COA1: variants seen among roughly 807,000 people sequenced by gnomAD.
COA1 encodes cytochrome c oxidase assembly factor 1.
A neutral mutation model predicts 16.0 loss-of-function variants in COA1; 13 were observed. The ratio of observed to expected loss-of-function variants is 0.81; its 90% CI spans 0.53 to 1.29. The LOEUF is 1.29. Among genes scored for constraint, COA1 ranks in the 50% most tolerant of loss-of-function variants. The pLI is 0.00. For missense variants in COA1, 179 were observed against 177.0 expected (o/e 1.01, Z -0.06); for synonymous variants, 65 against 65.7 (o/e 0.99, Z 0.05).
intron 1 of COA1, among the ~76,000 whole-genome samples, chr7:43,653,526 C>T (rs2091236624): frequency 6.6e-6 from 1 of 152,006 alleles, no homozygotes; most frequent in South Asian, 2.1e-4. Flanking sequence ...CAAATGTTAG[C>T]GCTGACTTTT....
chr7:43,726,308 C>A (rs188426459), intron 1 of COA1, among the ~76,000 whole-genome samples: 147 of 152,268 alleles, frequency 9.7e-4, no homozygotes, highest in African/African-American at 3.3e-3. Context: ...AGATGTCACA[C>A]TAACTGGGAA....
intron 4 of COA1, among the ~76,000 whole-genome samples, chr7:43,644,013 G>A (rs2087963371): frequency 6.6e-6 from 1 of 152,090 alleles, no homozygotes; most frequent in Non-Finnish European, 1.5e-5. Flanking sequence ...TGACACTGTG[G>A]CCCCTGGTGG....
At chr7:43,663,666 CA>C (rs759423078) in intron 1 of COA1, among the ~76,000 whole-genome samples, 9,391 of 70,400 alleles carry the variant, frequency 0.13, 482 homozygotes, top group African/African-American at 0.28. Flanking sequence ...GACCCTATCT[CA>C]AAAAAAAAAA....
chr7:43,675,620 A>T (rs1406174565), intron 1 of COA1, among the ~76,000 whole-genome samples: 1 of 152,208 alleles, frequency 6.6e-6, no homozygotes, highest in African/African-American at 2.4e-5. Flanking sequence ...ATAAAAAAAG[A>T]GTAAGTGTAA....
intron 6 of COA1, chr7:43,623,549 T>C (rs975039318): frequency 6.2e-7 from 1 of 1,600,792 alleles, no homozygotes; most frequent in Non-Finnish European, 8.5e-7. Flanking sequence ...AAACTAAATG[T>C]TTTCTTCTCT....
chr7:43,625,843 A>G (rs1211461456), intron 6 of COA1: 1 of 152,190 alleles, frequency 6.6e-6, no homozygotes, highest in East Asian at 1.9e-4. Flanking sequence ...TATGCTAGGA[A>G]AAGTTATAAA....
At chr7:43,703,039 G>A (rs1271768024) in intron 1 of COA1, among the ~76,000 whole-genome samples, 1 of 152,104 alleles carries the variant, frequency 6.6e-6, no homozygotes, top group Admixed American at 6.6e-5. Flanking sequence ...ATTCTAGTAT[G>A]TTGTGTCTTT....
At chr7:43,708,246 T>C (rs1390638311) in intron 1 of COA1, among the ~76,000 whole-genome samples, 1 of 152,008 alleles carries the variant, frequency 6.6e-6, no homozygotes, top group Non-Finnish European at 1.5e-5. Context: ...GGCGGAGGGA[T>C]CACTTGAATT....
intron 1 of COA1, among the ~76,000 whole-genome samples, chr7:43,692,697 A>T (rs2094414039): frequency 6.6e-6 from 1 of 152,152 alleles, no homozygotes; most frequent in Non-Finnish European, 1.5e-5. Context: ...AACCAAAATA[A>T]ACAACAAATC....
intron 6 of COA1, among the ~76,000 whole-genome samples, chr7:43,616,398 T>C (rs2083345703): frequency 6.6e-6 from 1 of 152,322 alleles, no homozygotes; most frequent in Non-Finnish European, 1.5e-5. Context: ...TAGTTATGTT[T>C]CTTCCATTCA....
intron 1 of COA1, among the ~76,000 whole-genome samples, chr7:43,689,765 A>G (rs2094191536): frequency 6.6e-6 from 1 of 152,214 alleles, no homozygotes; most frequent in African/African-American, 2.4e-5. Flanking sequence ...TTAGAATGGA[A>G]GTATGTTGTT....
At chr7:43,704,372 G>A (rs931577296) in intron 1 of COA1, among the ~76,000 whole-genome samples, 1 of 152,162 alleles carries the variant, frequency 6.6e-6, no homozygotes, top group South Asian at 2.1e-4. Context: ...CTATAGCAAG[G>A]TTGGGGAAAT....
At chr7:43,648,866 G>T (rs988173494) in intron 1 of COA1, 2 of 502,780 alleles carry the variant, frequency 4.0e-6, no homozygotes, top group East Asian at 6.5e-5. Context: ...CGGGTTTCCT[G>T]TCTGTGTCCT....
chr7:43,635,074 G>A (rs759264233), downstream of COA1, among the ~76,000 whole-genome samples: 4 of 152,144 alleles, frequency 2.6e-5, no homozygotes, highest in Non-Finnish European at 5.9e-5. Context: ...GTTTTGAATA[G>A]TGAATTTTCT....
At chr7:43,631,141 C>T (rs902049967) in intron 6 of COA1, 1 of 152,052 alleles carries the variant, frequency 6.6e-6, no homozygotes, top group African/African-American at 2.4e-5. Context: ...ACTCATTCAA[C>T]AAATTCTTTT....
chr7:43,673,563 G>C (rs1329945751), intron 1 of COA1, among the ~76,000 whole-genome samples: 2 of 152,202 alleles, frequency 1.3e-5, no homozygotes, highest in African/African-American at 4.8e-5. Context: ...AATTAGTTCA[G>C]CCATTGTGGA....
intron 6 of COA1, among the ~76,000 whole-genome samples, chr7:43,611,742 G>A (rs552414757): frequency 5.3e-5 from 8 of 151,966 alleles, no homozygotes; most frequent in Non-Finnish European, 8.8e-5. Context: ...TTTCATGTTT[G>A]GTTTTACACT....
chr7:43,657,488 G>A (rs577858186), intron 1 of COA1, among the ~76,000 whole-genome samples: 2 of 152,144 alleles, frequency 1.3e-5, no homozygotes, highest in Non-Finnish European at 2.9e-5. Context: ...AAAACAAACT[G>A]AAAATGTTAA....
At chr7:43,613,477 T>G (rs10254926) in intron 6 of COA1, among the ~76,000 whole-genome samples, 1 of 151,926 alleles carries the variant, frequency 6.6e-6, no homozygotes, top group Non-Finnish European at 1.5e-5. Context: ...CAATCCCCAC[T>G]GATACCATGG....
Sources: allele counts gnomAD v4.1 joint callset (sites outside exome capture counted in the v4.1 genomes callset), GRCh38; gene constraint gnomAD v4.1.1; transcripts MANE v1.5; gene names NCBI Gene and HGNC (gene_info 2026-07-23, HGNC 2026-07-21).